The following ZZEF1 variants were observed in gnomAD, a reference collection of about 807,000 sequenced individuals.
The protein encoded by ZZEF1 is zinc finger ZZ-type and EF-hand domain containing 1.
In ZZEF1, 157 loss-of-function variants were observed where a neutral mutation model predicts 342.8. That is an observed-to-expected ratio of 0.46 (90% CI 0.40 to 0.52). ZZEF1 has a LOEUF of 0.52. ZZEF1 is among the 20% of genes least tolerant of loss of function. ZZEF1 has a pLI of 0.00. For missense variants in ZZEF1, 3,480 were observed against 3,725.6 expected, an observed-to-expected ratio of 0.93 and a Z score of 1.72; for synonymous variants, 1,505 against 1,429.1, an observed-to-expected ratio of 1.05 and a Z score of -1.20.
intron 1 of ZZEF1, among the ~76,000 whole-genome samples, chr17:4,137,348 T>A (rs9909206): frequency 2.6e-5 from 4 of 152,090 alleles, no homozygotes; most frequent in African/African-American, 9.7e-5. Context: ...CGATGGCTCA[T>A]GCCTGTAATC....
Position 4,123,987 on chromosome 17 carries a change from A to T in ZZEF1, c.419T>A (p.Leu140His). The change falls in exon 2 of 55, where the codon CTC becomes CAC. Residue 140 changes from leucine to histidine, a missense_variant. By Grantham distance (99) the Leu-to-His change is moderately conservative. Around this residue, in one of 5 missense-constraint regions of ZZEF1, gnomAD observed 416 missense variants for 374.2 expected, o/e 1.11. Coordinates refer to ENST00000381638, the MANE Select transcript of ZZEF1 (RefSeq NM_015113.4). ...AAGATTAGCTCCACTGGAATTCTTG[A>T]GGGCCTCCAACATGTTCTCGGCATC... ...TVDAENMLEA[L>H]KNSSGANLQG... 6.2e-7 allele frequency: 1 copy of T among 1,614,014 alleles called. No individual in the cohort carries two copies. The highest frequency in any genetic ancestry group is 8.5e-7 in the Non-Finnish European group (1 of 1,179,984).
chr17:4,042,356 T>C (rs2056820958), intron 39 of ZZEF1, 73 bp downstream of exon 39: 1 of 1,472,082 alleles, frequency 6.8e-7, no homozygotes, highest in Admixed American at 2.2e-5. Flanking sequence ...ATCATTTGTT[T>C]CAGTATGTGG....
chr17:4,020,506 G>C (rs544880149), intron 45 of ZZEF1, among the ~76,000 whole-genome samples: 1 of 151,278 alleles, frequency 6.6e-6, no homozygotes, highest in South Asian at 2.1e-4. Context: ...CACCTGGCTA[G>C]TCTTATTTTT....
chr17:4,116,983 T>G lies in ZZEF1; in HGVS notation c.683A>C (p.Gln228Pro). 1 of 1,608,036 alleles carries G rather than the reference T, an allele frequency of 6.2e-7. No individual in the cohort carries two copies. The highest frequency in any genetic ancestry group is 8.5e-7 in the Non-Finnish European group (1 of 1,175,926). ...CCACACACACATACCCTTTTCCTTT[T>G]GTACCAGCTGATCCAGAGACTCCTT... ...VLKESLDQLV[Q>P]KEKESPGDLT... The change falls in exon 3 of 55, where the codon CAA (glutamine) becomes CCA (proline). Residue 228 changes from glutamine to proline, a missense_variant. This residue lies in a region of ZZEF1 where 416 missense variants were observed against 374.2 expected (regional missense o/e 1.11). Transcript: ENST00000381638.
intron 42 of ZZEF1, among the ~76,000 whole-genome samples, chr17:4,026,212 T>A (rs190789065): frequency 3.9e-5 from 6 of 152,256 alleles, no homozygotes; most frequent in African/African-American, 1.4e-4. Context: ...TGGGAATACT[T>A]TGTCTTTCCA....
At chr17:4,026,746 C>T (rs1251173601) in intron 42 of ZZEF1, among the ~76,000 whole-genome samples, 2 of 152,098 alleles carry the variant, frequency 1.3e-5, no homozygotes, top group Non-Finnish European at 2.9e-5. Flanking sequence ...TCTCAAACTC[C>T]TGACCTCAGG....
rs759499759 is a variant in ZZEF1, at chr17:4,040,026, G to A, written c.6306+2403C>T. ...TTTGACACGGTCTAATGAAACGTCTGAATTCCAAGGGTTAAAAAAAGAAAA... is the reference window on the plus strand; with the variant it reads ...TTTGACACGGTCTAATGAAACGTCTAAATTCCAAGGGTTAAAAAAAGAAAA... On this transcript the variant is annotated intron_variant, in intron 39 of 54. Transcript: ENST00000381638. Among the ~76,000 whole-genome samples, 3 of 152,072 alleles carry A rather than the reference G, an allele frequency of 2.0e-5. No homozygotes were observed. In the East Asian group the frequency reaches 5.8e-4, roughly 29 times the overall value.
Position 4,050,853 on chromosome 17 carries a change from T to G in ZZEF1, c.5791A>C (p.Ser1931Arg), listed in dbSNP as rs916005477. Residue 1931 changes from serine (S) to arginine (R), a missense_variant, in exon 36 of 55, where the codon AGT (serine) becomes CGT (arginine). Around this residue, in one of 5 missense-constraint regions of ZZEF1, gnomAD observed 1,269 missense variants for 1,342.4 expected, o/e 0.95. Transcript: ENST00000381638. ...CACTGGCTCCGCAGGGTGGTGGCAC[T>G]GCTGCGCGTCTGGGGGTCCAGCTTC... ...GEKLDPQTRSSATTLRSQCMQ... is the reference protein window; with the variant it reads ...GEKLDPQTRSRATTLRSQCMQ... 6.2e-7 allele frequency: 1 copy of G among 1,614,082 alleles called. No homozygotes were observed. The highest frequency in any genetic ancestry group is 8.5e-7 in the Non-Finnish European group (1 of 1,180,034).
chr17:4,067,520 T>C (rs1196877358), intron 26 of ZZEF1, among the ~76,000 whole-genome samples: 1 of 152,074 alleles, frequency 6.6e-6, no homozygotes, highest in Non-Finnish European at 1.5e-5. Flanking sequence ...GATATAAAAA[T>C]ACTAAAAGTA....
At chr17:4,070,573 T>C (rs1274251389) in intron 26 of ZZEF1, 111 bp downstream of exon 26, 23 of 1,266,000 alleles carry the variant, frequency 1.8e-5, no homozygotes, top group Non-Finnish European at 2.3e-5. Context: ...TGTTTACAGT[T>C]ATAGAAATGT....
At position 4,070,901 on chromosome 17, in the gene ZZEF1, G is replaced by C; in HGVS notation, c.3858C>G (p.Pro1286=). The C allele has an allele frequency of 6.2e-7, 1 of 1,613,964 alleles. No individual in the cohort carries two copies. Among genetic ancestry groups the C allele is most frequent in the Non-Finnish European group, 8.5e-7 (1 of 1,179,974 alleles). Residue 1286 remains proline, a synonymous_variant, in exon 26 of 55, where the codon CCC becomes CCG. Coordinates refer to ENST00000381638, the MANE Select transcript of ZZEF1 (RefSeq NM_015113.4). ...SKEVKNIPDD[P]CRHFLLDFAQ... ...CAAAATCAAGAAGAAAATGGCGGCA[G>C]GGGTCGTCAGGAATGTTCTTAACCT... is the stretch of plus-strand genomic sequence containing the variant.
intron 37 of ZZEF1, 38 bp from the exon 38 acceptor site, chr17:4,044,412 A>T (rs774423406): frequency 1.3e-6 from 2 of 1,574,576 alleles, no homozygotes; most frequent in East Asian, 2.3e-5. Context: ...AAGGTTTCTT[A>T]TAACAAAGTT....
At chr17:4,054,944 G>A (rs1038204497) in intron 33 of ZZEF1, among the ~76,000 whole-genome samples, 7 of 152,184 alleles carry the variant, frequency 4.6e-5, no homozygotes, top group Non-Finnish European at 7.3e-5. Context: ...CTTGGTGACC[G>A]ACTGGATATA....
intron 49 of ZZEF1, among the ~76,000 whole-genome samples, chr17:4,015,593 C>T (rs1418284317): frequency 6.6e-6 from 1 of 152,164 alleles, no homozygotes; most frequent in African/African-American, 2.4e-5. Context: ...GGTGAAACCC[C>T]GTCTCTACTA....
chr17:4,054,035 G>A lies in ZZEF1; in HGVS notation c.5434+22C>T, dbSNP rs192546053. On this transcript the variant is annotated intron_variant, in intron 34 of 54. Coordinates refer to ENST00000381638, the MANE Select transcript of ZZEF1 (RefSeq NM_015113.4). ...AAGTGATATTGCCTTTGGATACGGCGTACCCAGTTCATGAAATTTACCTAG... is the reference window on the plus strand; with the variant it reads ...AAGTGATATTGCCTTTGGATACGGCATACCCAGTTCATGAAATTTACCTAG... 2,688 of 1,604,450 alleles carry A rather than the reference G, an allele frequency of 1.7e-3. 4 individuals carry two copies. The highest frequency in any genetic ancestry group is 2.0e-3 in the Non-Finnish European group (2,396 of 1,174,528).
At chr17:4,056,179 C>A in intron 33 of ZZEF1, 37 bp downstream of exon 33, 3 of 1,486,498 alleles carry the variant, frequency 2.0e-6, no homozygotes, top group South Asian at 1.5e-5. Flanking sequence ...AAACTCCTAG[C>A]AAATCACTTC....
chr17:4,137,505 A>G (rs902943080), intron 1 of ZZEF1, among the ~76,000 whole-genome samples: 21 of 152,134 alleles, frequency 1.4e-4, no homozygotes, highest in African/African-American at 4.3e-4. Flanking sequence ...CCAGCTACTC[A>G]GGAGGCTGAG....
chr17:4,077,196 ATT>A (rs72386625), intron 19 of ZZEF1, among the ~76,000 whole-genome samples: 26,426 of 151,458 alleles, frequency 0.17, 2,325 homozygotes, highest in East Asian at 0.18. Flanking sequence ...TTTTAAAGGG[ATT>A]TTTTTTTGTC....
At chr17:4,025,228 C>T (rs2056377047) in intron 42 of ZZEF1, 110 bp from the exon 43 acceptor site, 1 of 1,063,254 alleles carries the variant, frequency 9.4e-7, no homozygotes, top group South Asian at 1.4e-5. Context: ...ACTGCAGAAA[C>T]ATAAATCTCT....
Sources: gnomAD v4.1 joint callset for allele counts (sites outside exome capture counted in the v4.1 genomes callset) on GRCh38, gnomAD v4.1.1 for gene constraint, gnomAD v4.1.1 regional missense constraint, MANE v1.5 for transcripts, NCBI Gene and HGNC (gene_info 2026-07-23, HGNC 2026-07-21) for gene names.